Variants in CREB5 observed in about 807,000 individuals in gnomAD.
CREB5 encodes the protein cyclic AMP-responsive element-binding protein 5.
CREB5 carries 19 observed loss-of-function variants against 57.1 expected under a neutral mutation model. That is an observed-to-expected ratio of 0.33 (90% CI 0.23 to 0.49). The LOEUF (loss-of-function observed/expected upper bound fraction) is 0.49. CREB5 is among the 20% of genes least tolerant of loss of function. CREB5 has a pLI of 0.99. For missense variants in CREB5, 579 were observed against 671.6 expected, an observed-to-expected ratio of 0.86 and a Z score of 1.52; for synonymous variants, 238 against 238.3, an observed-to-expected ratio of 1.00 and a Z score of 0.01.
At chr7:28,677,413 C>T (rs57123607) in intron 5 of CREB5, among the ~76,000 whole-genome samples, 49,858 of 151,928 alleles carry the variant, frequency 0.33, 8,433 homozygotes, top group African/African-American at 0.39. Context: ...CATTCTCAGG[C>T]ACACCACATC....
At chr7:28,552,024 T>TTTCTCTCTTTTCTCTCTCCTCTC (rs1261524055) in intron 4 of CREB5, among the ~76,000 whole-genome samples, 2 of 150,952 alleles carry the variant, frequency 1.3e-5, no homozygotes, top group Non-Finnish European at 2.9e-5. Flanking sequence ...TCTCTCTCTC[T>TTTCTCTCTTTTCTCTCTCCTCTC]TTCTCTCTTT....
chr7:28,443,083 TAC>T (rs1651781633), intron 1 of CREB5, among the ~76,000 whole-genome samples: 2 of 152,208 alleles, frequency 1.3e-5, no homozygotes, highest in Admixed American at 6.5e-5. Context: ...GATTTCCCCC[TAC>T]TTGCAACCTA....
intron 5 of CREB5, among the ~76,000 whole-genome samples, chr7:28,669,747 C>G (rs559127606): frequency 6.6e-6 from 1 of 152,340 alleles, no homozygotes; most frequent in Non-Finnish European, 1.5e-5. Context: ...AAAGCATTTA[C>G]TGTTTTACCG....
intron 1 of CREB5, among the ~76,000 whole-genome samples, chr7:28,370,006 GCTGT>G (rs1388360416): frequency 6.6e-6 from 1 of 151,994 alleles, no homozygotes; most frequent in African/African-American, 2.4e-5. Flanking sequence ...CCCTAGTAAT[GCTGT>G]CTGTTAGTTG....
chr7:28,458,505 A>T (rs1322096513), intron 1 of CREB5, among the ~76,000 whole-genome samples: 1 of 152,220 alleles, frequency 6.6e-6, no homozygotes, highest in Admixed American at 6.5e-5. Context: ...TAATTTCAAA[A>T]GGCCCTTTAC....
chr7:28,351,518 T>C (rs1260231208), intron 1 of CREB5, among the ~76,000 whole-genome samples: 10 of 152,340 alleles, frequency 6.6e-5, no homozygotes, highest in Admixed American at 6.5e-4. Flanking sequence ...TATTCCTTTC[T>C]TCCCATCTAT....
intron 5 of CREB5, among the ~76,000 whole-genome samples, chr7:28,689,403 G>A (rs908444075): frequency 1.3e-5 from 2 of 152,094 alleles, no homozygotes; most frequent in African/African-American, 4.8e-5. Flanking sequence ...GGGAGGCGGA[G>A]CTTGCAGTAA....
intron 7 of CREB5, among the ~76,000 whole-genome samples, chr7:28,799,261 G>T (rs1808231011): frequency 6.6e-6 from 1 of 152,164 alleles, no homozygotes; most frequent in South Asian, 2.1e-4. Flanking sequence ...TCTGAGGGGT[G>T]ATCAAAAGTC....
At chr7:28,778,246 T>A (rs1233969057) in intron 7 of CREB5, among the ~76,000 whole-genome samples, 1 of 152,224 alleles carries the variant, frequency 6.6e-6, no homozygotes, top group Non-Finnish European at 1.5e-5. Flanking sequence ...AATTTACTAT[T>A]CGATTAGTAA....
chr7:28,390,071 G>C (rs1485302807), intron 1 of CREB5, among the ~76,000 whole-genome samples: 4 of 149,854 alleles, frequency 2.7e-5, no homozygotes, highest in Non-Finnish European at 5.9e-5. Context: ...ACTCTTAATA[G>C]AGATATTTTC....
At chr7:28,694,552 C>CT (rs2128732644) in intron 5 of CREB5, among the ~76,000 whole-genome samples, 2 of 152,220 alleles carry the variant, frequency 1.3e-5, no homozygotes, top group East Asian at 3.9e-4. Flanking sequence ...TCTTATAATT[C>CT]TTTTTTTAAA....
intron 5 of CREB5, among the ~76,000 whole-genome samples, chr7:28,593,867 C>T (rs1796607953): frequency 6.6e-6 from 1 of 152,216 alleles, no homozygotes; most frequent in African/African-American, 2.4e-5. Context: ...GACATAAAGC[C>T]TGCCAAGTGG....
rs980096663 is a variant in CREB5 at position 28,693,198 on chromosome 7, A to G, written c.465-25555A>G. Among the ~76,000 whole-genome samples the G allele has an allele frequency of 3.9e-5, 6 of 152,354 alleles. 1 individual carries two copies. In the East Asian group the frequency reaches 1.2e-3, roughly 29 times the overall value. On this transcript the variant is annotated intron_variant, in intron 5 of 10. Coordinates refer to ENST00000357727, the MANE Select transcript of CREB5 (RefSeq NM_182898.4). The stretch of plus-strand genomic sequence containing the variant: ...AAAATAGAACTGGATGTGTCCAAAA[A>G]GCAAAGCCTAGAAAAAGCAATCATA...
At chr7:28,544,824 G>A (rs116632480) in intron 4 of CREB5, among the ~76,000 whole-genome samples, 57 of 152,302 alleles carry the variant, frequency 3.7e-4, no homozygotes, top group South Asian at 2.9e-3. Context: ...GTGTCAGGGC[G>A]GGAATGGGAG....
intron 1 of CREB5, among the ~76,000 whole-genome samples, chr7:28,472,470 G>T (rs1330681580): frequency 6.6e-6 from 1 of 152,220 alleles, no homozygotes; most frequent in Non-Finnish European, 1.5e-5. Context: ...ACACAGGTGT[G>T]ATTTGACCTC....
At chr7:28,681,022 A>C (rs1800562836) in intron 5 of CREB5, among the ~76,000 whole-genome samples, 1 of 152,172 alleles carries the variant, frequency 6.6e-6, no homozygotes, top group African/African-American at 2.4e-5. Flanking sequence ...AGCTGGTGAC[A>C]ATAGTCTAGG....
chr7:28,355,021 C>T (rs1786312185), intron 1 of CREB5, among the ~76,000 whole-genome samples: 2 of 152,200 alleles, frequency 1.3e-5, no homozygotes, highest in Admixed American at 1.3e-4. Flanking sequence ...GTAAATGTGC[C>T]TCTGGTTTAA....
At chr7:28,815,922 T>TTGTC (rs1809411402) in intron 9 of CREB5, among the ~76,000 whole-genome samples, 1 of 152,218 alleles carries the variant, frequency 6.6e-6, no homozygotes, top group South Asian at 2.1e-4. Flanking sequence ...CTAAGATCCA[T>TTGTC]TGTCTACATT....
intron 4 of CREB5, among the ~76,000 whole-genome samples, chr7:28,560,936 G>GCGT: frequency 1.1e-5 from 1 of 91,226 alleles, no homozygotes; most frequent in African/African-American, 5.1e-5. Flanking sequence ...GTGCGTGTGT[G>GCGT]CGTGCGTGTG....
Sources: allele counts gnomAD v4.1 joint callset (sites outside exome capture counted in the v4.1 genomes callset), GRCh38; gene constraint gnomAD v4.1.1; transcripts MANE v1.5; gene names NCBI Gene and HGNC (gene_info 2026-07-23, HGNC 2026-07-21).